The following EYS variants were observed in gnomAD, a reference collection of about 807,000 sequenced individuals.
EYS encodes protein eyes shut homolog.
EYS carries 250 observed loss-of-function variants against 282.1 expected under a neutral mutation model. The observed-to-expected ratio is 0.89, with a 90% CI of 0.80 to 0.98. The LOEUF is 0.98. Ranked by LOEUF, EYS falls within the 50% of genes least tolerant of loss-of-function variation. The probability of loss-of-function intolerance (pLI) is 0.00; values close to 1 mark genes in which losing one functional copy is unlikely to be tolerated. For synonymous variants in EYS, 1,355 were observed against 1,282.9 expected, an observed-to-expected ratio of 1.06 and a Z score of -1.20; for missense variants, 4,016 against 3,709.0, an observed-to-expected ratio of 1.08 and a Z score of -2.15.
At chr6:65,048,963 T>C (rs964926473) in intron 13 of EYS, among the ~76,000 whole-genome samples, 58 of 151,976 alleles carry the variant, frequency 3.8e-4, no homozygotes, top group African/African-American at 1.3e-3. Flanking sequence ...CTTTCCAGTG[T>C]GCCATAAGTA....
chr6:64,748,539 TA>T (rs966548018), intron 22 of EYS, among the ~76,000 whole-genome samples: 4 of 152,194 alleles, frequency 2.6e-5, no homozygotes, highest in Non-Finnish European at 2.9e-5. Context: ...ACACTTAACC[TA>T]AAGAAAGTTC....
chr6:65,382,546 C>T (rs1435322451), intron 8 of EYS, among the ~76,000 whole-genome samples: 1 of 148,532 alleles, frequency 6.7e-6, no homozygotes, highest in Admixed American at 6.8e-5. Flanking sequence ...TCAAGGTTCT[C>T]TAGGGGGACA....
At chr6:64,334,872 T>C (rs965166983) in intron 29 of EYS, among the ~76,000 whole-genome samples, 1 of 152,094 alleles carries the variant, frequency 6.6e-6, no homozygotes, top group Non-Finnish European at 1.5e-5. Context: ...GTTCACTCTT[T>C]GGAGGATGGT....
intron 2 of EYS, among the ~76,000 whole-genome samples, chr6:65,549,107 T>A (rs1582443265): frequency 6.6e-6 from 1 of 151,902 alleles, no homozygotes; most frequent in African/African-American, 2.4e-5. Context: ...TCTCTCACCC[T>A]CCCCTCACCT....
At chr6:64,884,763 T>C (rs1376074119) in intron 19 of EYS, among the ~76,000 whole-genome samples, 1 of 151,692 alleles carries the variant, frequency 6.6e-6, no homozygotes, top group African/African-American at 2.4e-5. Flanking sequence ...CATGTATCTT[T>C]CTTGGTTTGA....
intron 31 of EYS, among the ~76,000 whole-genome samples, chr6:64,111,756 G>C (rs1387318446): frequency 6.6e-6 from 1 of 152,012 alleles, no homozygotes; most frequent in Non-Finnish European, 1.5e-5. Context: ...TGATGACATG[G>C]AGATGACAGA....
chr6:65,113,958 ATT>A (rs1201830025), intron 12 of EYS, among the ~76,000 whole-genome samples: 1 of 152,066 alleles, frequency 6.6e-6, no homozygotes, highest in African/African-American at 2.4e-5. Flanking sequence ...ACTCTTGCTT[ATT>A]AAACGATGGC....
At chr6:63,961,310 C>A (rs766121898) in intron 35 of EYS, among the ~76,000 whole-genome samples, 30 of 152,150 alleles carry the variant, frequency 2.0e-4, no homozygotes, top group Non-Finnish European at 4.1e-4. Context: ...CCAGTTCCTG[C>A]CTTAACTGAT....
At position 64,732,810 on chromosome 6, in the gene EYS, G is replaced by T. The variant is rs560383864; in HGVS notation, c.3443+80568C>A. Among the ~76,000 whole-genome samples, 22 of 152,298 alleles carry T rather than the reference G, an allele frequency of 1.4e-4. No homozygotes were observed. In the South Asian group the frequency reaches 3.9e-3, roughly 27 times the overall value. On this transcript the variant is annotated intron_variant, in intron 22 of 42. Transcript: ENST00000503581. ...TACTTAACTCCAACTGATTGTTCTC[G>T]TTTGAAAACACAAATCACAACTGCC...
intron 19 of EYS, among the ~76,000 whole-genome samples, chr6:64,849,333 AAAAT>A (rs1236634964): frequency 6.6e-6 from 1 of 151,870 alleles, no homozygotes; most frequent in African/African-American, 2.4e-5. Context: ...CAATTCTACT[AAAAT>A]AAATAAAAGT....
At chr6:64,471,194 T>A (rs746281986) in intron 26 of EYS, among the ~76,000 whole-genome samples, 32 of 152,150 alleles carry the variant, frequency 2.1e-4, no homozygotes, top group African/African-American at 3.1e-4. Flanking sequence ...AAGAAAAGTA[T>A]GCCCACGTTC....
intron 22 of EYS, among the ~76,000 whole-genome samples, chr6:64,770,185 A>G (rs1000244240): frequency 1.3e-5 from 2 of 151,958 alleles, no homozygotes; most frequent in Non-Finnish European, 2.9e-5. Context: ...TTTTGAGACC[A>G]GTCCCTATTA....
intron 19 of EYS, among the ~76,000 whole-genome samples, chr6:64,839,792 A>G: frequency 6.6e-6 from 1 of 152,134 alleles, no homozygotes; most frequent in East Asian, 1.9e-4. Flanking sequence ...CTGTGTTCTC[A>G]CATAATAGAA....
chr6:64,570,751 T>C (rs1348136721), intron 26 of EYS, among the ~76,000 whole-genome samples: 1 of 152,074 alleles, frequency 6.6e-6, no homozygotes, highest in Non-Finnish European at 1.5e-5. Context: ...AATATATGTA[T>C]ACACCCAATA....
intron 19 of EYS, among the ~76,000 whole-genome samples, chr6:64,855,398 G>GT (rs1766026359): frequency 6.6e-6 from 1 of 151,464 alleles, no homozygotes; most frequent in South Asian, 2.1e-4. Context: ...CTTTTCTCTA[G>GT]TTTTTTTCTT....
intron 28 of EYS, among the ~76,000 whole-genome samples, chr6:64,413,315 T>TCAG: frequency 6.6e-6 from 1 of 152,156 alleles, no homozygotes; most frequent in East Asian, 1.9e-4. Context: ...TAATGGCTTC[T>TCAG]CAGCCATCAT....
chr6:64,916,388 G>A (rs1348371679), intron 15 of EYS, among the ~76,000 whole-genome samples: 1 of 152,196 alleles, frequency 6.6e-6, no homozygotes, highest in Non-Finnish European at 1.5e-5. Context: ...GTGGCTGTAT[G>A]TCAAGAGGAC....
In EYS at chr6:64,950,078, C is replaced by A. The variant is rs539374644; in HGVS notation, c.2260-4164G>T. The stretch of plus-strand genomic sequence containing the variant: ...ATTTAAGCCATGTAATAAGAGATAA[C>A]CAGACTAGGAAAAACAAAGAAGGAG... On this transcript the variant is annotated intron_variant, in intron 14 of 42. Coordinates refer to ENST00000503581, the MANE Select transcript of EYS (RefSeq NM_001142800.2). Among the ~76,000 whole-genome samples, 5 of 151,730 alleles carry A rather than the reference C, an allele frequency of 3.3e-5. No individual in the cohort carries two copies. The East Asian group carries it at 7.8e-4, about 24-fold the overall frequency.
chr6:64,475,815 C>T (rs1776247916), intron 26 of EYS, among the ~76,000 whole-genome samples: 1 of 152,162 alleles, frequency 6.6e-6, no homozygotes, highest in African/African-American at 2.4e-5. Flanking sequence ...AAGAGACAAG[C>T]TCTCCATTGC....
Sources: gnomAD v4.1 joint callset for allele counts (sites outside exome capture counted in the v4.1 genomes callset) on GRCh38, gnomAD v4.1.1 for gene constraint, MANE v1.5 for transcripts, NCBI Gene and HGNC (gene_info 2026-07-23, HGNC 2026-07-21) for gene names.